Variants in ADAM2 observed in about 807,000 individuals in gnomAD.
The protein encoded by ADAM2 is disintegrin and metalloproteinase domain-containing protein 2.
A neutral mutation model predicts 99.3 loss-of-function variants in ADAM2; 101 were observed. The observed-to-expected ratio is 1.02, with a 90% CI of 0.87 to 1.20. The LOEUF is 1.20. ADAM2 is among the 50% of genes most tolerant of loss of function. The pLI, the probability that ADAM2 is intolerant of heterozygous loss-of-function variation, is 0.00. For missense variants in ADAM2, 948 were observed against 878.7 expected (o/e 1.08, Z -1.00); for synonymous variants, 323 against 287.6 (o/e 1.12, Z -1.25).
chr8:39,788,944 T>C (rs1034715241), intron 7 of ADAM2, among the ~76,000 whole-genome samples: 2 of 151,536 alleles, frequency 1.3e-5, no homozygotes, highest in Non-Finnish European at 3.0e-5. Context: ...GAATTTATAT[T>C]TTTTCCATAG....
At chr8:39,837,275 G>T in intron 1 of ADAM2, 63 bp from the exon 2 acceptor site, 1 of 1,152,944 alleles carries the variant, frequency 8.7e-7, no homozygotes. Context: ...TGTTTTATGA[G>T]TTTTTCATCT....
chr8:39,821,515 A>G, intron 5 of ADAM2, 71 bp downstream of exon 5: 1 of 1,198,742 alleles, frequency 8.3e-7, no homozygotes, highest in Middle Eastern at 2.4e-4. Flanking sequence ...ACTGAATATT[A>G]TGTTAAAATG....
intron 19 of ADAM2, among the ~76,000 whole-genome samples, chr8:39,746,005 A>ATG (rs1046652586): frequency 1.4e-4 from 16 of 111,294 alleles, no homozygotes; most frequent in African/African-American, 2.1e-4. Context: ...GTGTGTGTGC[A>ATG]TGTGTGTGTG....
At chr8:39,776,763 A>T (rs1803005991) in intron 11 of ADAM2, among the ~76,000 whole-genome samples, 1 of 152,156 alleles carries the variant, frequency 6.6e-6, no homozygotes, top group South Asian at 2.1e-4. Context: ...TTATCAAATT[A>T]TGCATCAAAT....
At chr8:39,767,277 A>C in intron 12 of ADAM2, 26 bp from the exon 13 acceptor site, 1 of 1,560,140 alleles carries the variant, frequency 6.4e-7, no homozygotes. Flanking sequence ...AATGCTCTGA[A>C]GTATTTTCCA....
At chr8:39,788,764 G>T in intron 7 of ADAM2, 24 bp from the exon 8 acceptor site, 2 of 1,245,808 alleles carry the variant, frequency 1.6e-6, no homozygotes, top group Non-Finnish European at 2.2e-6. Flanking sequence ...TTACATTTTA[G>T]ATATAAATAT....
At chr8:39,825,316 A>C (rs1805355205) in intron 3 of ADAM2, among the ~76,000 whole-genome samples, 1 of 152,106 alleles carries the variant, frequency 6.6e-6, no homozygotes, top group African/African-American at 2.4e-5. Flanking sequence ...CATACTCTAA[A>C]TTTGCTCTAT....
At chr8:39,793,811 A>G (rs1803821531) in intron 7 of ADAM2, among the ~76,000 whole-genome samples, 1 of 152,132 alleles carries the variant, frequency 6.6e-6, no homozygotes, top group South Asian at 2.1e-4. Context: ...GAGGGACATT[A>G]ACTAAAGCTG....
chr8:39,797,578 T>C (rs939520823), intron 7 of ADAM2, among the ~76,000 whole-genome samples: 1 of 152,238 alleles, frequency 6.6e-6, no homozygotes, highest in Non-Finnish European at 1.5e-5. Flanking sequence ...TTTCTAATTC[T>C]GTGAAGAATG....
intron 9 of ADAM2, among the ~76,000 whole-genome samples, chr8:39,787,569 C>T (rs1292092633): frequency 1.3e-5 from 1 of 77,350 alleles, no homozygotes; most frequent in East Asian, 6.3e-4. Context: ...CATATATATA[C>T]ACACATAATA....
At chr8:39,766,259 G>A (rs1445069418) in intron 14 of ADAM2, among the ~76,000 whole-genome samples, 1 of 152,090 alleles carries the variant, frequency 6.6e-6, no homozygotes, top group Non-Finnish European at 1.5e-5. Flanking sequence ...GGATGGATAT[G>A]AAGTAAAAGT....
chr8:39,816,505 TA>T (rs1300173528), intron 6 of ADAM2, among the ~76,000 whole-genome samples: 1 of 152,188 alleles, frequency 6.6e-6, no homozygotes, highest in African/African-American at 2.4e-5. Context: ...AAACATATAT[TA>T]ATGTTCCTAG....
At chr8:39,765,434 TAA>T (rs1276426206) in intron 14 of ADAM2, among the ~76,000 whole-genome samples, 1 of 152,204 alleles carries the variant, frequency 6.6e-6, no homozygotes, top group East Asian at 1.9e-4. Context: ...ATGAAGAATA[TAA>T]GAGACATATA....
At chr8:39,834,384 T>C (rs1287308144) in intron 2 of ADAM2, among the ~76,000 whole-genome samples, 1 of 152,092 alleles carries the variant, frequency 6.6e-6, no homozygotes, top group Non-Finnish European at 1.5e-5. Context: ...GTTTATATCT[T>C]TACCTCTGCC....
At chr8:39,799,816 G>A (rs1184796511) in intron 7 of ADAM2, among the ~76,000 whole-genome samples, 1 of 152,080 alleles carries the variant, frequency 6.6e-6, no homozygotes, top group Admixed American at 6.5e-5. Flanking sequence ...TCTGATCTTT[G>A]TTGGTTTAAA....
chr8:39,746,552 A>G lies in ADAM2; in HGVS notation c.2094T>C (p.Ile698=), dbSNP rs192188552. 183 of 1,607,646 alleles carry G rather than the reference A, an allele frequency of 1.1e-4. No individual in the cohort carries two copies. In the East Asian group the frequency reaches 4.1e-3, roughly 36 times the overall value. Reference sequence around the variant, plus strand: ...CCATTATAGCAATCAGTACACAGAAAATAATAAAGAAAGGAATGAATAAGA... The same window carrying G: ...CCATTATAGCAATCAGTACACAGAAGATAATAAAGAAAGGAATGAATAAGA... ...PFFLFIPFFI[I]FCVLIAIMVK... is the part of the protein sequence containing the mutation. Residue 698 remains isoleucine (I), a synonymous_variant, in exon 19 of 21, where the codon ATT becomes ATC. Transcript: ENST00000265708.
Position 39,837,120 on chromosome 8 carries a change from GT to G in ADAM2, c.132+15del. On this transcript the variant is annotated intron_variant, in intron 2 of 20. Transcript: ENST00000265708. ...ACATCATTTTAAATTTGTAAATACT[GT>G]TAGTGATTCATTACCTGCGATTCAA... 1 of 1,559,674 alleles carries G rather than the reference GT, an allele frequency of 6.4e-7. No individual in the cohort carries two copies. The highest frequency in any genetic ancestry group is 8.8e-7 in the Non-Finnish European group (1 of 1,140,776).
At chr8:39,830,604 G>T (rs952891418) in intron 3 of ADAM2, among the ~76,000 whole-genome samples, 2 of 152,134 alleles carry the variant, frequency 1.3e-5, no homozygotes, top group Non-Finnish European at 2.9e-5. Flanking sequence ...AAGTAAGATG[G>T]ATTCTGGATC....
At chr8:39,764,749 C>G (rs1410921664) in intron 14 of ADAM2, among the ~76,000 whole-genome samples, 1 of 152,156 alleles carries the variant, frequency 6.6e-6, no homozygotes, top group Non-Finnish European at 1.5e-5. Context: ...CGCAGTGGCT[C>G]AAGCGAGTAA....
Sources: allele counts gnomAD v4.1 joint callset (sites outside exome capture counted in the v4.1 genomes callset), GRCh38; gene constraint gnomAD v4.1.1; transcripts MANE v1.5; gene names NCBI Gene and HGNC (gene_info 2026-07-23, HGNC 2026-07-21).